The following PCDH15 variants were observed in gnomAD, a reference collection of about 807,000 sequenced individuals.
PCDH15 encodes protocadherin-15.
PCDH15 carries 129 observed loss-of-function variants against 178.5 expected under a neutral mutation model. The observed-to-expected ratio is 0.72, with a 90% CI of 0.63 to 0.84. The LOEUF is 0.84. PCDH15 is among the 40% of genes least tolerant of loss of function. The pLI is 0.00. For missense variants in PCDH15, 2,230 were observed against 2,099.9 expected (o/e 1.06, Z -1.21); for synonymous variants, 800 against 732.0 (o/e 1.09, Z -1.50).
At chr10:55,300,072 C>G (rs1326486213) in intron 1 of PCDH15, among the ~76,000 whole-genome samples, 1 of 152,074 alleles carries the variant, frequency 6.6e-6, no homozygotes, top group Non-Finnish European at 1.5e-5. Flanking sequence ...TCTCACACTG[C>G]TTTTTAAAAT....
chr10:54,396,065 G>T (rs112120613), intron 3 of PCDH15, among the ~76,000 whole-genome samples: 102 of 152,188 alleles, frequency 6.7e-4, no homozygotes, highest in African/African-American at 2.4e-3. Flanking sequence ...CTAAAAGGAC[G>T]ATATACATTT....
chr10:55,201,812 T>G (rs954558002), intron 1 of PCDH15, among the ~76,000 whole-genome samples: 7 of 152,196 alleles, frequency 4.6e-5, no homozygotes, highest in African/African-American at 1.7e-4. Flanking sequence ...CTGCTTTTTC[T>G]TTTTTAAATG....
In PCDH15 at chr10:55,201,694, G is replaced by A. The variant is rs527719287; in HGVS notation, c.-155-35043C>T. On this transcript the variant is annotated intron_variant, in intron 1 of 5. Transcript: ENST00000458638. ...TGACATTCCACTGATACGTGAAAAC[G>A]TGGGAAAATAGATTATCAGATGAGT... Among the ~76,000 whole-genome samples the A allele has an allele frequency of 3.3e-5, 5 of 152,270 alleles. No homozygotes were observed. The South Asian group carries it at 6.2e-4, about 19-fold the overall frequency.
chr10:54,810,778 T>C (rs938706051), intron 3 of PCDH15, among the ~76,000 whole-genome samples: 7 of 152,144 alleles, frequency 4.6e-5, no homozygotes, highest in Non-Finnish European at 1.0e-4. Flanking sequence ...AACTAAAATT[T>C]AAATTTCCAA....
chr10:54,369,309 A>T (rs376192560), intron 4 of PCDH15, 34 bp from the exon 5 acceptor site: 1 of 1,597,550 alleles, frequency 6.3e-7, no homozygotes, highest in Non-Finnish European at 8.6e-7. Flanking sequence ...TTAAAATACT[A>T]ATTAAAAACA....
intron 2 of PCDH15, among the ~76,000 whole-genome samples, chr10:54,537,087 CT>C (rs1330690224): frequency 6.8e-6 from 1 of 148,006 alleles, no homozygotes; most frequent in African/African-American, 2.5e-5. Context: ...CAAGCTCCGC[CT>C]CCCAGGTTCA....
At chr10:54,020,144 A>T in intron 20 of PCDH15, 48 bp downstream of exon 20, 1 of 1,517,276 alleles carries the variant, frequency 6.6e-7, no homozygotes, top group African/African-American at 1.4e-5. Flanking sequence ...CAAAACCTAC[A>T]TGTAGAGAGA....
intron 3 of PCDH15, among the ~76,000 whole-genome samples, chr10:54,840,503 A>C (rs1317827829): frequency 6.6e-6 from 1 of 151,904 alleles, no homozygotes; most frequent in Non-Finnish European, 1.5e-5. Context: ...TCATCAAATC[A>C]CAAAGACAGG....
chr10:55,179,298 G>A (rs868106798), intron 1 of PCDH15, among the ~76,000 whole-genome samples: 13 of 152,006 alleles, frequency 8.6e-5, no homozygotes, highest in Admixed American at 8.5e-4. Context: ...CTCTTCAGAG[G>A]GGGGATTGAT....
Position 54,861,455 on chromosome 10 carries a change from G to A in PCDH15, c.-29+35995C>T, listed in dbSNP as rs1230748722. On this transcript the variant is annotated intron_variant, in intron 3 of 5. Coordinates refer to the PCDH15 transcript ENST00000458638. ...ATCCTGAACAGACCAATAGTGAGTA[G>A]TAAAATTAAATCTGTAACAAAAGAT... Among the ~76,000 whole-genome samples the A allele has an allele frequency of 2.6e-5, 4 of 152,118 alleles. No individual in the cohort carries two copies. In the East Asian group the frequency reaches 7.7e-4, roughly 29 times the overall value.
intron 23 of PCDH15, among the ~76,000 whole-genome samples, chr10:53,958,150 A>G (rs956903858): frequency 6.6e-6 from 1 of 152,150 alleles, no homozygotes; most frequent in African/African-American, 2.4e-5. Flanking sequence ...AAAGTAAAAA[A>G]CACTAAAGTC....
intron 8 of PCDH15, among the ~76,000 whole-genome samples, chr10:54,306,951 A>G (rs2060507960): frequency 6.9e-6 from 1 of 145,504 alleles, no homozygotes; most frequent in Non-Finnish European, 1.5e-5. Flanking sequence ...GAATCTTCTA[A>G]TAGTTTACTT....
chr10:53,906,075 C>T (rs1243535730), intron 25 of PCDH15, among the ~76,000 whole-genome samples: 1 of 151,944 alleles, frequency 6.6e-6, no homozygotes, highest in East Asian at 1.9e-4. Context: ...AATACTGTAT[C>T]ATGAATTTTG....
intron 1 of PCDH15, among the ~76,000 whole-genome samples, chr10:54,699,417 C>G (rs533349201): frequency 6.6e-6 from 1 of 152,084 alleles, no homozygotes; most frequent in South Asian, 2.1e-4. Flanking sequence ...TCTTAAGTGA[C>G]TCTATCAAGA....
At chr10:54,288,986 T>A (rs1027857188) in intron 8 of PCDH15, among the ~76,000 whole-genome samples, 1 of 152,238 alleles carries the variant, frequency 6.6e-6, no homozygotes, top group South Asian at 2.1e-4. Flanking sequence ...TAAAAATCCC[T>A]GTCTGACGCT....
intron 1 of PCDH15, among the ~76,000 whole-genome samples, chr10:55,318,907 A>T (rs1048687833): frequency 6.6e-6 from 1 of 152,296 alleles, no homozygotes; most frequent in African/African-American, 2.4e-5. Context: ...GCAAATCATA[A>T]CCATACTTTG....
intron 23 of PCDH15, among the ~76,000 whole-genome samples, chr10:53,951,492 G>A (rs1447008381): frequency 6.6e-6 from 1 of 152,222 alleles, no homozygotes; most frequent in Admixed American, 6.5e-5. Context: ...CATGGGGCAT[G>A]CAAATTCTAA....
chr10:54,040,906 T>C (rs1445375195), intron 18 of PCDH15, among the ~76,000 whole-genome samples: 1 of 152,102 alleles, frequency 6.6e-6, no homozygotes, highest in Non-Finnish European at 1.5e-5. Flanking sequence ...TTATTTACTC[T>C]AAAACTTCAT....
At chr10:54,040,759 G>A (rs2093524444) in intron 18 of PCDH15, among the ~76,000 whole-genome samples, 1 of 152,012 alleles carries the variant, frequency 6.6e-6, no homozygotes, top group African/African-American at 2.4e-5. Context: ...TACCACTAGA[G>A]TGTCACACTA....
Sources: gnomAD v4.1 joint callset for allele counts (sites outside exome capture counted in the v4.1 genomes callset) on GRCh38, gnomAD v4.1.1 for gene constraint, MANE v1.5 for transcripts, NCBI Gene and HGNC (gene_info 2026-07-23, HGNC 2026-07-21) for gene names.